The following CNTN4 variants were observed in gnomAD, a reference collection of about 807,000 sequenced individuals.
CNTN4 encodes contactin-4.
In CNTN4, 77 loss-of-function variants were observed where a neutral mutation model predicts 122.5. That is an observed-to-expected ratio of 0.63 (90% CI 0.52 to 0.76). The LOEUF is 0.76. Among genes scored for constraint, CNTN4 ranks in the 30% least tolerant of loss-of-function variants. CNTN4 has a pLI of 0.00. For synonymous variants in CNTN4, 512 were observed against 447.0 expected (o/e 1.15, Z -1.83); for missense variants, 1,256 against 1,259.1 (o/e 1.00, Z 0.04).
At chr3:2,266,611 A>T (rs2041060923) in intron 2 of CNTN4, among the ~76,000 whole-genome samples, 1 of 152,106 alleles carries the variant, frequency 6.6e-6, no homozygotes, top group South Asian at 2.1e-4. Context: ...AGGAGCCTTA[A>T]GGGACTAGGA....
At chr3:2,380,781 C>T (rs2150760910) in intron 3 of CNTN4, among the ~76,000 whole-genome samples, 1 of 151,630 alleles carries the variant, frequency 6.6e-6, no homozygotes, top group Admixed American at 6.6e-5. Flanking sequence ...GCTTCATTTG[C>T]AAAAGGGGAT....
chr3:3,009,589 ACGC>A (rs1374931255), intron 14 of CNTN4, among the ~76,000 whole-genome samples: 1 of 150,798 alleles, frequency 6.6e-6, no homozygotes, highest in Non-Finnish European at 1.5e-5. Context: ...GCCCGCCACC[ACGC>A]CCGGCTAATT....
chr3:3,019,692 G>A (rs1024356417), intron 14 of CNTN4, among the ~76,000 whole-genome samples: 2 of 151,202 alleles, frequency 1.3e-5, no homozygotes, highest in East Asian at 1.9e-4. Flanking sequence ...ATGTATATGT[G>A]TGTGTCTGTG....
At chr3:2,478,408 G>T (rs199791421) in intron 3 of CNTN4, among the ~76,000 whole-genome samples, 1,836 of 147,162 alleles carry the variant, frequency 0.012, 26 homozygotes, top group African/African-American at 0.043. Flanking sequence ...TTATCTGTTT[G>T]TTTTTTTTTT....
chr3:2,535,862 G>A (rs1213810022), intron 3 of CNTN4, among the ~76,000 whole-genome samples: 1 of 152,050 alleles, frequency 6.6e-6, no homozygotes, highest in African/African-American at 2.4e-5. Context: ...CTTTCAAAAT[G>A]TTTGAGATGT....
At chr3:2,251,399 A>C (rs2040373389) in intron 2 of CNTN4, among the ~76,000 whole-genome samples, 1 of 151,868 alleles carries the variant, frequency 6.6e-6, no homozygotes, top group African/African-American at 2.4e-5. Context: ...TTGTGTTCTC[A>C]TTTTGGTTCT....
At chr3:2,160,645 T>C (rs1048817090) in intron 2 of CNTN4, among the ~76,000 whole-genome samples, 9 of 152,308 alleles carry the variant, frequency 5.9e-5, no homozygotes, top group African/African-American at 1.7e-4. Context: ...CACCTGTCTA[T>C]GTTTGTGTCA....
At chr3:2,187,704 T>A (rs2037338682) in intron 2 of CNTN4, among the ~76,000 whole-genome samples, 2 of 152,156 alleles carry the variant, frequency 1.3e-5, no homozygotes, top group African/African-American at 2.4e-5. Flanking sequence ...GATGAGTCTA[T>A]GCAGGGCCCT....
At chr3:2,869,279 A>G (rs79762250) in intron 8 of CNTN4, among the ~76,000 whole-genome samples, 2,375 of 152,312 alleles carry the variant, frequency 0.016, 55 homozygotes, top group African/African-American at 0.053. Flanking sequence ...TGGAAATCCA[A>G]TCAGAATACT....
At chr3:3,047,607 C>T (rs1447064313) in intron 23 of CNTN4, among the ~76,000 whole-genome samples, 2 of 146,630 alleles carry the variant, frequency 1.4e-5, no homozygotes, top group African/African-American at 5.1e-5. Flanking sequence ...ATACCAGAAT[C>T]TCTGGGACAC....
At chr3:2,399,259 A>G (rs1268804778) in intron 3 of CNTN4, among the ~76,000 whole-genome samples, 3 of 152,004 alleles carry the variant, frequency 2.0e-5, no homozygotes, top group Non-Finnish European at 4.4e-5. Flanking sequence ...ATGGTAAGCC[A>G]TAGTAAGCAT....
chr3:2,800,724 C>T (rs2092327584), intron 6 of CNTN4, among the ~76,000 whole-genome samples: 1 of 152,096 alleles, frequency 6.6e-6, no homozygotes, highest in Non-Finnish European at 1.5e-5. Flanking sequence ...CCCTCTCTGT[C>T]CCAATACCTC....
chr3:2,988,407 G>A lies in CNTN4; in HGVS notation c.1421G>A (p.Ser474Asn), dbSNP rs753298839. 6.2e-7 allele frequency: 1 copy of A among 1,613,582 alleles called. No individual in the cohort carries two copies. The highest frequency in any genetic ancestry group is 8.5e-7 in the Non-Finnish European group (1 of 1,179,708). Residue 474 changes from serine (S) to asparagine (N), a missense_variant, in exon 14 of 25, where the codon AGT (serine) becomes AAT (asparagine). Ser to Asn is a conservative substitution (Grantham distance 46). Transcript: ENST00000418658. ...IINVTKSDAG[S>N]YTCIATNHFG... ...AACGTTACTAAATCAGACGCTGGGA[G>A]TTATACCTGTATAGCCACTAACCAT...
chr3:2,459,950 A>C (rs1440651371), intron 3 of CNTN4, among the ~76,000 whole-genome samples: 1 of 152,146 alleles, frequency 6.6e-6, no homozygotes. Flanking sequence ...TTTTCTGCTA[A>C]ACCCAGGCAT....
At chr3:2,617,621 C>T (rs1026499818) in intron 4 of CNTN4, among the ~76,000 whole-genome samples, 2 of 151,884 alleles carry the variant, frequency 1.3e-5, no homozygotes, top group African/African-American at 2.4e-5. Flanking sequence ...CGGAGTTTCA[C>T]AATGTTGGCC....
chr3:2,167,751 C>T (rs552266338), intron 2 of CNTN4, among the ~76,000 whole-genome samples: 1 of 152,236 alleles, frequency 6.6e-6, no homozygotes, highest in East Asian at 1.9e-4. Flanking sequence ...CAAAATACTT[C>T]TTTGTTTTCA....
At chr3:2,427,561 G>A (rs2047888537) in intron 3 of CNTN4, among the ~76,000 whole-genome samples, 2 of 152,208 alleles carry the variant, frequency 1.3e-5, no homozygotes, top group Admixed American at 6.5e-5. Flanking sequence ...GATTTGGGGT[G>A]GAGAGTTCTG....
At position 3,006,390 on chromosome 3, in the gene CNTN4, AG is replaced by A. The variant is rs375919358; in HGVS notation, c.1486+17920del. Among the ~76,000 whole-genome samples the A allele has an allele frequency of 2.7e-3, 406 of 152,286 alleles. 4 individuals are homozygous for A. Among genetic ancestry groups the A allele is most frequent in the African/African-American group, 9.3e-3 (388 of 41,560 alleles). The stretch of plus-strand genomic sequence containing the variant: ...GAATTAATGAAAGGACCACATGACC[AG>A]GTCTCCTTTTGCAGTGCATTGGAAT... On this transcript the variant is annotated intron_variant, in intron 14 of 24. Coordinates refer to ENST00000418658, the MANE Select transcript of CNTN4 (RefSeq NM_175607.3).
intron 7 of CNTN4, among the ~76,000 whole-genome samples, chr3:2,845,889 C>G (rs1003566352): frequency 6.6e-6 from 1 of 152,120 alleles, no homozygotes; most frequent in Non-Finnish European, 1.5e-5. Context: ...CATAACTTGG[C>G]TTTTTCAAAA....
Sources: allele counts gnomAD v4.1 joint callset (sites outside exome capture counted in the v4.1 genomes callset), GRCh38; gene constraint gnomAD v4.1.1; transcripts MANE v1.5; gene names NCBI Gene and HGNC (gene_info 2026-07-23, HGNC 2026-07-21).